Variants in EPHA10 observed in about 807,000 individuals in gnomAD.
The protein encoded by EPHA10 is ephrin type-A receptor 10.
A neutral mutation model predicts 109.7 loss-of-function variants in EPHA10; 120 were observed. That is an observed-to-expected ratio of 1.09 (90% CI 0.94 to 1.27). The LOEUF is 1.27. Ranked by LOEUF, EPHA10 falls within the 50% of genes most tolerant of loss-of-function variation. The pLI is 0.00. For synonymous variants in EPHA10, 640 were observed against 618.9 expected (o/e 1.03, Z -0.51); for missense variants, 1,396 against 1,411.1 (o/e 0.99, Z 0.17).
intron 3 of EPHA10, among the ~76,000 whole-genome samples, chr1:37,755,548 T>C (rs144909455): frequency 6.6e-6 from 1 of 152,266 alleles, no homozygotes; most frequent in East Asian, 1.9e-4. Context: ...ATCACAAGTG[T>C]TTCTATCTGA....
Position 37,727,158 on chromosome 1 carries a change from G to A in EPHA10, c.1716C>T (p.Thr572=), listed in dbSNP as rs1645906140. The A allele has an allele frequency of 3.7e-6, 6 of 1,612,890 alleles. No homozygotes were observed. Among genetic ancestry groups the A allele is most frequent in the Non-Finnish European group, 5.1e-6 (6 of 1,179,414 alleles). The part of the protein sequence containing the change: ...QSPAIVVTVV[T]ISALLVLGSV... ...AGCCCAGGACGAGGAGGGCCGAGAT[G>A]GTCACTACGGTGACGACAATGGCGG... Residue 572 remains threonine (T), a synonymous_variant, in exon 8 of 17, where the codon ACC becomes ACT. Transcript: ENST00000373048.
intron 13 of EPHA10, 78 bp from the exon 14 acceptor site, chr1:37,720,136 C>T: frequency 6.4e-7 from 1 of 1,560,914 alleles, no homozygotes; most frequent in Non-Finnish European, 8.7e-7. Flanking sequence ...GCCCCAGATC[C>T]AGCCTGCATG....
intron 15 of EPHA10, 184 bp from the exon 16 acceptor site, chr1:37,719,000 G>T: frequency 1.3e-6 from 1 of 753,434 alleles, no homozygotes; most frequent in Non-Finnish European, 2.1e-6. Flanking sequence ...GGTTCTTCAG[G>T]CAGGTGGAGG....
chr1:37,718,969 C>T lies in EPHA10; in HGVS notation c.2757-153G>A, dbSNP rs577994587. The T allele has an allele frequency of 4.2e-5, 41 of 985,246 alleles. No individual in the cohort carries two copies. The Admixed American group carries it at 7.3e-4, about 17-fold the overall frequency. The allele number at this position is 985,246 out of a possible 1,614,324, so 61.0% of individuals were successfully genotyped here. ...CTGGCTCACATGAGCACTGTGCATT[C>T]GTGAAGAAGCGAGGGCTTCAGGTTC... On this transcript the variant is annotated intron_variant, in intron 15 of 16. Transcript: ENST00000373048.
intron 3 of EPHA10, chr1:37,760,254 A>T (rs1205432350): frequency 9.8e-7 from 1 of 1,021,482 alleles, no homozygotes; most frequent in African/African-American, 1.7e-5. Flanking sequence ...TTGCCCTGGC[A>T]CCCAGAAAAG....
At chr1:37,730,344 G>A (rs1645961345) in intron 7 of EPHA10, among the ~76,000 whole-genome samples, 1 of 152,194 alleles carries the variant, frequency 6.6e-6, no homozygotes, top group Non-Finnish European at 1.5e-5. Context: ...TTATTATCTT[G>A]ACAGCTGGTG....
rs754265288 is a variant in EPHA10 at position 37,718,808 on chromosome 1, G to C, written c.2765C>G (p.Thr922Ser). The C allele has an allele frequency of 6.2e-7, 1 of 1,611,174 alleles. No individual in the cohort carries two copies. The highest frequency in any genetic ancestry group is 8.5e-7 in the Non-Finnish European group (1 of 1,179,126). The change falls in exon 16 of 17, where the codon ACC (threonine) becomes AGC (serine). Residue 922 changes from threonine (T) to serine (S), a missense_variant. By Grantham distance (58) the Thr-to-Ser change is moderately conservative (BLOSUM62 1). Transcript: ENST00000373048. ...CALTTCPRPP[T>S]PLADRAFSTF... is the part of the protein sequence containing the mutation. ...GGAGAAGGCACGGTCCGCTAGTGGG[G>C]TGGGAGGCCTGCGGGTCAGAGGAGC...
chr1:37,733,403 A>T (rs1409235976), intron 6 of EPHA10, among the ~76,000 whole-genome samples: 1 of 151,358 alleles, frequency 6.6e-6, no homozygotes, highest in Non-Finnish European at 1.5e-5. Context: ...TTTTTTGTAG[A>T]GGTGGCGGTC....
Position 37,718,677 on chromosome 1 carries a change from C to A in EPHA10, c.2896G>T (p.Ala966Ser), listed in dbSNP as rs201161532. The change falls in exon 16 of 17, where the codon GCC becomes TCC. Residue 966 changes from alanine to serine, a missense_variant. Coordinates refer to ENST00000373048, the MANE Select transcript of EPHA10 (RefSeq NM_001099439.2). The part of the protein sequence containing the change: ...AAGYGSLEAV[A>S]EMTAQDLVSL... Reference sequence around the variant, plus strand: ...TGGACTCACTGGGCAGTCATCTCGGCCACGGCCTCCAGGCTCCCATAGCCA... The same window carrying A: ...TGGACTCACTGGGCAGTCATCTCGGACACGGCCTCCAGGCTCCCATAGCCA... 113 of 1,613,118 alleles carry A rather than the reference C, an allele frequency of 7.0e-5. No individual in the cohort carries two copies. The highest frequency in any genetic ancestry group is 5.1e-5 in the Non-Finnish European group (60 of 1,180,042).
rs1273541137 is a variant in EPHA10, at chr1:37,764,540, G to T, written c.106+421C>A. On this transcript the variant is annotated intron_variant, in intron 1 of 16. Coordinates refer to ENST00000373048, the MANE Select transcript of EPHA10 (RefSeq NM_001099439.2). The surrounding 1 kb of genome is among the most constrained non-coding windows in gnomAD (Gnocchi z 5.8). ...CTCGACCAGCATTCCACCTTCTGTTGGCCACACTGTGGTCTCCTAGCCCCT... is the reference window on the plus strand; with the variant it reads ...CTCGACCAGCATTCCACCTTCTGTTTGCCACACTGTGGTCTCCTAGCCCCT... Among the ~76,000 whole-genome samples the T allele has an allele frequency of 1.3e-5, 2 of 152,072 alleles. No individual in the cohort carries two copies. Among genetic ancestry groups the T allele is most frequent in the Non-Finnish European group, 2.9e-5 (2 of 68,010 alleles).
chr1:37,760,176 A>C (rs1484318170), intron 3 of EPHA10: 1 of 668,906 alleles, frequency 1.5e-6, no homozygotes, highest in African/African-American at 2.0e-5. Flanking sequence ...GTGATTTTTA[A>C]ATTTTTGCAT....
Position 37,718,501 on chromosome 1 carries a change from G to T in EPHA10, c.2913-15C>A. On this transcript the variant is annotated splice_polypyrimidine_tract_variant and intron_variant, in intron 16 of 16. Coordinates refer to ENST00000373048, the MANE Select transcript of EPHA10 (RefSeq NM_001099439.2). ...TCACCAGGTCCCTGAAACAAAGGCT[G>T]GTCACACTCGGCTGGCTTGTCCCCA... 1 of 1,613,026 alleles carries T rather than the reference G, an allele frequency of 6.2e-7. No individual in the cohort carries two copies. The highest frequency in any genetic ancestry group is 8.5e-7 in the Non-Finnish European group (1 of 1,179,752).
intron 10 of EPHA10, 71 bp from the exon 11 acceptor site, chr1:37,721,916 G>A: frequency 7.2e-7 from 1 of 1,391,948 alleles, no homozygotes. Flanking sequence ...GCTGAGCCGA[G>A]GAGAAAGTGA....
intron 2 of EPHA10, among the ~76,000 whole-genome samples, chr1:37,762,544 A>G (rs605359): frequency 0.86 from 130,497 of 151,796 alleles, 56,200 homozygotes; most frequent in East Asian, 1. Flanking sequence ...CAGATGCCAC[A>G]TTTCTGTTCC....
intron 5 of EPHA10, among the ~76,000 whole-genome samples, chr1:37,738,627 T>C (rs540134923): frequency 8.4e-4 from 128 of 152,270 alleles, no homozygotes; most frequent in African/African-American, 2.9e-3. Context: ...TTATAATTAC[T>C]ATATGATCCA....
chr1:37,765,039 G>C lies in EPHA10; in HGVS notation c.28C>G (p.Leu10Val). 1.9e-6 allele frequency: 3 copies of C among 1,608,224 alleles called. No homozygotes were observed. The highest frequency in any genetic ancestry group is 2.5e-6 in the Non-Finnish European group (3 of 1,178,758). Residue 10 changes from leucine (L) to valine (V), a missense_variant, in exon 1 of 17, where the codon CTG becomes GTG. Transcript: ENST00000373048. The part of the protein sequence containing the change: METCAGPHP[L>V]RLFLCRMQLC... ...TGCATCCGGCAGAGGAAGAGGCGCA[G>C]CGGGTGTGGACCGGCGCAGGTCTCC...
At chr1:37,715,800 C>A (rs913262849), downstream of EPHA10, 1 of 448,340 alleles carries the variant, frequency 2.2e-6, no homozygotes. Flanking sequence ...TGGGTCACAC[C>A]GTCCTGCCAT....
At position 37,720,016 on chromosome 1, in the gene EPHA10, GAA is replaced by G. The variant is rs765534268; in HGVS notation, c.2453_2454del (p.Leu818ProfsTer10). On this transcript the variant is annotated frameshift_variant, in exon 14 of 17. Coordinates refer to ENST00000373048, the MANE Select transcript of EPHA10 (RefSeq NM_001099439.2). LOFTEE classifies it high-confidence loss of function. Reference protein sequence around the residue: ...SPALWAAPETLQFGHFSSASD... With the variant: ...SPALWAAPETXQFGHFSSASD... ...CTGGCAGAGCTGAAGTGGCCAAACT[GAA>G]GTGTCTCGGGAGCGGCCCATAGCGC... The G allele has an allele frequency of 1.9e-6, 3 of 1,613,948 alleles. No individual in the cohort carries two copies. The African/African-American group carries it at 4.0e-5, about 22-fold the overall frequency.
intron 12 of EPHA10, 66 bp downstream of exon 12, chr1:37,720,717 A>G: frequency 6.3e-7 from 1 of 1,591,740 alleles, no homozygotes; most frequent in Non-Finnish European, 8.6e-7. Flanking sequence ...TACCAAAGAG[A>G]AAAGTGAGGG....
Sources: gnomAD v4.1 joint callset for allele counts (sites outside exome capture counted in the v4.1 genomes callset) on GRCh38, gnomAD v4.1.1 for gene constraint, Gnocchi (gnomAD v3.1) non-coding constraint, MANE v1.5 for transcripts, NCBI Gene and HGNC (gene_info 2026-07-23, HGNC 2026-07-21) for gene names.